CCL15: variants seen among roughly 807,000 people sequenced by gnomAD.
The protein encoded by CCL15 is C-C motif chemokine 15.
Under a neutral mutation model 10.6 loss-of-function variants are expected in CCL15, and 8 were observed. The observed-to-expected ratio is 0.75, with a 90% CI of 0.44 to 1.36. The LOEUF (loss-of-function observed/expected upper bound fraction) is 1.36. CCL15 is among the 40% of genes most tolerant of loss of function. CCL15 has a pLI of 0.00. For missense variants in CCL15, 128 were observed against 136.6 expected (o/e 0.94, Z 0.32); for synonymous variants, 51 against 48.8 (o/e 1.04, Z -0.19).
chr17:35,997,895 G>C (rs998928088), intron 3 of CCL15, 35 bp from the exon 4 acceptor site: 1 of 1,535,050 alleles, frequency 6.5e-7, no homozygotes, highest in African/African-American at 1.4e-5. Flanking sequence ...TACAAACTGA[G>C]GTGTGGGCAG....
chr17:36,000,425 T>C (rs544794689), intron 1 of CCL15, among the ~76,000 whole-genome samples: 7 of 132,428 alleles, frequency 5.3e-5, no homozygotes, highest in Admixed American at 8.8e-5. Flanking sequence ...ATCGCACCAC[T>C]GCACTCCAGC....
intron 1 of CCL15, among the ~76,000 whole-genome samples, chr17:36,001,020 C>T (rs1340178372): frequency 6.6e-6 from 1 of 152,202 alleles, no homozygotes; most frequent in African/African-American, 2.4e-5. Context: ...TTGGGTGAGT[C>T]ACTTACCTGG....
At position 35,998,912 on chromosome 17, in the gene CCL15, C is replaced by T. The variant is rs757939600; in HGVS notation, c.90G>A (p.Glu30=). Residue 30 remains glutamate, a synonymous_variant, in exon 2 of 4, where the codon GAG becomes GAA. Coordinates refer to ENST00000617897, the MANE Select transcript of CCL15 (RefSeq NM_032965.6). The stretch of plus-strand genomic sequence containing the variant: ...CCAGTGGAAGCTTTGACATCATTAA[C>T]TCTGTCTCTGCATCTGAAAGAAACA... The part of the protein sequence containing the change: ...QAQFTNDAET[E]LMMSKLPLEN... 10 of 1,613,760 alleles carry T rather than the reference C, an allele frequency of 6.2e-6. No individual in the cohort carries two copies. The African/African-American group carries it at 9.3e-5, about 15-fold the overall frequency.
intron 1 of CCL15, among the ~76,000 whole-genome samples, 154 bp from the exon 2 acceptor site, chr17:35,999,079 C>T (rs1419932598): frequency 6.6e-6 from 1 of 152,200 alleles, no homozygotes; most frequent in East Asian, 1.9e-4. Context: ...CCTCCTGGCC[C>T]ATTTATTCCA....
intron 3 of CCL15, 122 bp from the exon 4 acceptor site, chr17:35,997,982 G>A: frequency 1.4e-6 from 1 of 715,548 alleles, no homozygotes; most frequent in Non-Finnish European, 2.5e-6. Flanking sequence ...TTTCTCTGCT[G>A]ATGGCAGCTC....
chr17:35,997,778 AG>A lies in CCL15; in HGVS notation c.330del (p.Tyr111ThrfsTer25), dbSNP rs2089933139. 1 of 1,611,702 alleles carries A rather than the reference AG, an allele frequency of 6.2e-7. No homozygotes were observed. The highest frequency in any genetic ancestry group is 2.2e-5 in the East Asian group (1 of 44,874). On this transcript the variant is annotated frameshift_variant, in exon 4 of 4. Coordinates refer to ENST00000617897, the MANE Select transcript of CCL15 (RefSeq NM_032965.6). LOFTEE classifies it low-confidence loss of function (END_TRUNC). ...TTGTCTCTTTATTATTATATTGAGT[AG>A]GGCTTCAGCTTTTTCATGCAATCCT... The part of the protein sequence containing the change: ...GVQDCMKKLK[P>X]YSI
chr17:35,998,820 G>C (rs753860371), intron 2 of CCL15, 46 bp downstream of exon 2: 2 of 1,439,392 alleles, frequency 1.4e-6, no homozygotes, highest in Admixed American at 3.3e-5. Context: ...GTGCAGACCT[G>C]CACCTGCTGG....
chr17:35,999,974 AC>A (rs1245489941), intron 1 of CCL15, among the ~76,000 whole-genome samples: 2 of 150,272 alleles, frequency 1.3e-5, no homozygotes, highest in Admixed American at 1.3e-4. Flanking sequence ...ACATGGTGAA[AC>A]CCCATCTCTA....
intron 1 of CCL15, 126 bp from the exon 2 acceptor site, chr17:35,999,051 G>T (rs2089955597): frequency 2.6e-6 from 2 of 762,556 alleles, no homozygotes; most frequent in South Asian, 3.1e-5. Flanking sequence ...ACCACCACCT[G>T]TCTGGGTTCT....
At position 36,001,520 on chromosome 17, in the gene CCL15, G is replaced by A. The variant is rs751430541; in HGVS notation, c.-28C>T. 5 of 1,611,914 alleles carry A rather than the reference G, an allele frequency of 3.1e-6. No individual in the cohort carries two copies. The highest frequency in any genetic ancestry group is 4.5e-5 in the East Asian group (2 of 44,888). ...TCCTGGTGGGCAGGCAGGGCTGGCC[G>A]AGGACTCCTGGGCTCACTGCTTCCT... is the stretch of plus-strand genomic sequence containing the variant. On this transcript the variant is annotated 5_prime_UTR_variant, in exon 1 of 4. Transcript: ENST00000617897.
Position 35,997,769 on chromosome 17 carries a change from A to G in CCL15, c.340T>C (p.Ter114GlnextTer1). Reference protein sequence around the residue: ...CMKKLKPYSI* With the variant: ...CMKKLKPYSIQ ...TGGCCTCTTTTGTCTCTTTATTATT[A>G]TATTGAGTAGGGCTTCAGCTTTTTC... Residue 114 changes from the stop codon to glutamine (Q), a stop_lost, in exon 4 of 4, where the codon TAA (stop) becomes CAA (glutamine). Coordinates refer to ENST00000617897, the MANE Select transcript of CCL15 (RefSeq NM_032965.6). The G allele has an allele frequency of 1.9e-6, 3 of 1,609,158 alleles. No individual in the cohort carries two copies. The highest frequency in any genetic ancestry group is 2.6e-6 in the Non-Finnish European group (3 of 1,175,526).
Position 35,997,811 on chromosome 17 carries a change from C to T in CCL15, c.298G>A (p.Gly100Arg). 6.2e-7 allele frequency: 1 copy of T among 1,613,962 alleles called. No homozygotes were observed. Among genetic ancestry groups the T allele is most frequent in the Non-Finnish European group, 8.5e-7 (1 of 1,179,952 alleles). ...RQVCAKPSGP[G>R]VQDCMKKLKP... ...AGCTTTTTCATGCAATCCTGAACTC[C>T]CGGACCACTGGGTTTGGCACAGACT... is the stretch of plus-strand genomic sequence containing the variant. The change falls in exon 4 of 4, where the codon GGA (glycine) becomes AGA (arginine). Residue 100 changes from glycine to arginine, a missense_variant. By Grantham distance (125) the Gly-to-Arg change is moderately radical. Transcript: ENST00000617897.
At chr17:35,999,744 G>A (rs2089967387) in intron 1 of CCL15, among the ~76,000 whole-genome samples, 1 of 152,040 alleles carries the variant, frequency 6.6e-6, no homozygotes, top group Admixed American at 6.6e-5. Context: ...GATTATAGGT[G>A]AGCCACCATG....
rs544517207 is a variant in CCL15 at position 35,998,531 on chromosome 17, C to A, written c.137-140G>T. ...TGGCCTCTCCCTGCTTCAGACCCTCCCCAGGGTTTTGCCATGTGTCTGAGG... is the reference window on the plus strand; with the variant it reads ...TGGCCTCTCCCTGCTTCAGACCCTCACCAGGGTTTTGCCATGTGTCTGAGG... On this transcript the variant is annotated intron_variant, in intron 2 of 3. Transcript: ENST00000617897. 478 of 717,096 alleles carry A rather than the reference C, an allele frequency of 6.7e-4. 2 individuals are homozygous for A. The African/African-American group carries it at 7.1e-3, about 11-fold the overall frequency. 44.4% of individuals were successfully genotyped at this position (717,096 alleles called of 1,614,324 possible). A position where few individuals can be genotyped will look rare whatever the true frequency, so the allele number is the denominator to read the frequency against.
chr17:35,998,406 A>C lies in CCL15; in HGVS notation c.137-15T>G, dbSNP rs536626865. On this transcript the variant is annotated splice_polypyrimidine_tract_variant and intron_variant, in intron 2 of 3. Transcript: ENST00000617897. ...AAAGTGAAAGCCTGCAGCAAGAGAA[A>C]GCGTCATCTGAGGGCAAATCTTTCT... 34 of 1,577,672 alleles carry C rather than the reference A, an allele frequency of 2.2e-5. 1 individual carries two copies. The South Asian group carries it at 3.7e-4, about 17-fold the overall frequency.
chr17:36,000,283 G>A (rs1287893424), intron 1 of CCL15, among the ~76,000 whole-genome samples: 2 of 151,824 alleles, frequency 1.3e-5, no homozygotes, highest in African/African-American at 2.4e-5. Flanking sequence ...CCAACATGGT[G>A]AAACCCCGCC....
chr17:36,001,527 C>G lies in CCL15; in HGVS notation c.-35G>C. The G allele has an allele frequency of 6.2e-7, 1 of 1,611,724 alleles. No individual in the cohort carries two copies. Among genetic ancestry groups the G allele is most frequent in the East Asian group, 2.2e-5 (1 of 44,864 alleles). On this transcript the variant is annotated 5_prime_UTR_variant, in exon 1 of 4. Transcript: ENST00000617897. ...GGGCAGGCAGGGCTGGCCGAGGACT[C>G]CTGGGCTCACTGCTTCCTGGCTCCC... is the stretch of plus-strand genomic sequence containing the variant.
chr17:35,998,515 C>A, intron 2 of CCL15, 124 bp from the exon 3 acceptor site: 2 of 748,762 alleles, frequency 2.7e-6, no homozygotes, highest in Non-Finnish European at 4.6e-6. Flanking sequence ...CTGGCCTCTC[C>A]CTGCTTCAGA....
intron 2 of CCL15, 51 bp from the exon 3 acceptor site, chr17:35,998,442 A>C: frequency 2.4e-6 from 3 of 1,269,412 alleles, no homozygotes; most frequent in Non-Finnish European, 1.1e-6. Context: ...CCTCGAAAGC[A>C]CAGTGGAGGG....
Sources: gnomAD v4.1 joint callset for allele counts (sites outside exome capture counted in the v4.1 genomes callset) on GRCh38, gnomAD v4.1.1 for gene constraint, MANE v1.5 for transcripts, NCBI Gene and HGNC (gene_info 2026-07-23, HGNC 2026-07-21) for gene names.